Variants in ZNF280C observed in about 807,000 individuals in gnomAD.
The protein encoded by ZNF280C is suppressor of hairy wing homolog 3.
A neutral mutation model predicts 53.6 loss-of-function variants in ZNF280C; 14 were observed. The observed-to-expected ratio is 0.26, with a 90% CI of 0.17 to 0.41. The LOEUF (loss-of-function observed/expected upper bound fraction) is 0.41. Among genes scored for constraint, ZNF280C ranks in the 10% least tolerant of loss-of-function variants. ZNF280C has a pLI of 1.00. For missense variants in ZNF280C, 416 were observed against 547.1 expected (o/e 0.76, Z 2.39); for synonymous variants, 203 against 181.1 (o/e 1.12, Z -0.97).
intron 2 of ZNF280C, among the ~76,000 whole-genome samples, chrX:130,257,325 T>A (rs751728975): frequency 6.3e-5 from 7 of 110,586 alleles, no homozygotes; most frequent in Admixed American, 3.9e-4. Flanking sequence ...AGGAAATGTA[T>A]CCATCATAAT....
At chrX:130,254,568 T>G (rs1351320947) in intron 2 of ZNF280C, among the ~76,000 whole-genome samples, 1 of 111,967 alleles carries the variant, frequency 8.9e-6, no homozygotes, top group Non-Finnish European at 1.9e-5. Flanking sequence ...CATGGAGAAC[T>G]TTGCAGCCAT....
chrX:130,262,987 TA>T (rs1377463877), intron 1 of ZNF280C, among the ~76,000 whole-genome samples: 1 of 112,406 alleles, frequency 8.9e-6, no homozygotes, highest in Non-Finnish European at 1.9e-5. Context: ...TTTGCCACAA[TA>T]AAAAAACATT....
chrX:130,210,432 T>C (rs775877905), intron 15 of ZNF280C, among the ~76,000 whole-genome samples: 9 of 112,274 alleles, frequency 8.0e-5, no homozygotes, highest in Non-Finnish European at 1.1e-4. Flanking sequence ...ATGATAGAAA[T>C]TGTTATAATA....
intron 1 of ZNF280C, among the ~76,000 whole-genome samples, chrX:130,267,033 A>G (rs1214685765): frequency 9.2e-6 from 1 of 109,088 alleles, no homozygotes; most frequent in Non-Finnish European, 1.9e-5. Flanking sequence ...CCCGGGAGGC[A>G]GAGGTTGCAG....
At position 130,215,646 on chromosome X, in the gene ZNF280C, T is replaced by G. The variant is rs143756175; in HGVS notation, c.1838+145A>C. On this transcript the variant is annotated intron_variant, in intron 14 of 18. Transcript: ENST00000370978. The stretch of plus-strand genomic sequence containing the variant: ...CAATGACTCAAGTTCTGCTCAGCAG[T>G]TGTAAAAAGTACCTTTTTCTCATTT... 3.9e-3 allele frequency: 2,120 copies of G among 547,233 alleles called. 31 individuals are homozygous for G. The African/African-American group carries it at 0.043, about 11-fold the overall frequency. The allele number at this position is 547,233 out of a possible 1,213,427, so 45.1% of individuals were successfully genotyped here.
intron 13 of ZNF280C, among the ~76,000 whole-genome samples, chrX:130,216,765 G>A (rs1395932760): frequency 2.7e-5 from 3 of 111,633 alleles, no homozygotes; most frequent in Non-Finnish European, 5.7e-5. Context: ...TTGGGAGGCC[G>A]AGGTGGGCGG....
chrX:130,224,403 G>A (rs2032199696), intron 12 of ZNF280C, among the ~76,000 whole-genome samples: 3 of 111,860 alleles, frequency 2.7e-5, no homozygotes, highest in Admixed American at 1.9e-4. Context: ...GCATGTTATA[G>A]TAGCTCAAAC....
At chrX:130,258,401 G>A (rs1008724985) in intron 2 of ZNF280C, among the ~76,000 whole-genome samples, 3 of 111,604 alleles carry the variant, frequency 2.7e-5, no homozygotes, top group African/African-American at 9.8e-5. Flanking sequence ...TTTGAGGACA[G>A]TACACAAACA....
chrX:130,229,999 C>G (rs1184750701), intron 9 of ZNF280C, among the ~76,000 whole-genome samples: 1 of 112,051 alleles, frequency 8.9e-6, no homozygotes, highest in Non-Finnish European at 1.9e-5. Context: ...TGTCATCAAC[C>G]TACATAGCAA....
intron 3 of ZNF280C, 112 bp downstream of exon 3, chrX:130,246,747 T>C (rs2032454562): frequency 3.2e-6 from 3 of 924,672 alleles, no homozygotes; most frequent in Non-Finnish European, 4.5e-6. Flanking sequence ...CTCTCCCTCT[T>C]ACCTCTAACT....
intron 8 of ZNF280C, among the ~76,000 whole-genome samples, chrX:130,233,619 T>C (rs1472990640): frequency 1.2e-4 from 8 of 68,029 alleles, no homozygotes; most frequent in Admixed American, 6.4e-4. Context: ...TGAAACTCTG[T>C]CTCAAAAAAA....
intron 2 of ZNF280C, among the ~76,000 whole-genome samples, chrX:130,254,884 T>C (rs189655348): frequency 2.8e-4 from 30 of 108,435 alleles, no homozygotes; most frequent in Non-Finnish European, 5.8e-4. Flanking sequence ...ATAACAAACC[T>C]GCACATGTAT....
chrX:130,226,692 T>A (rs949764114), intron 12 of ZNF280C, 67 bp downstream of exon 12: 1 of 1,068,643 alleles, frequency 9.4e-7, no homozygotes, highest in African/African-American at 1.9e-5. Flanking sequence ...TAGCTATAGA[T>A]CTATACATAT....
At position 130,239,571 on chromosome X, in the gene ZNF280C, C is replaced by T. The variant is rs753194913; in HGVS notation, c.493+11G>A. ...TTTTTATAATTTTTATGAAAGAGTG[C>T]TAAACCAAACCTTCTCTAAAAATTG... On this transcript the variant is annotated intron_variant, in intron 6 of 18. Coordinates refer to ENST00000370978, the MANE Select transcript of ZNF280C (RefSeq NM_017666.5). 4 of 1,079,256 alleles carry T rather than the reference C, an allele frequency of 3.7e-6. No homozygotes were observed. The highest frequency in any genetic ancestry group is 4.0e-5 in the South Asian group (2 of 49,779). 88.9% of individuals were successfully genotyped at this position (1,079,256 alleles called of 1,213,427 possible). A position where few individuals can be genotyped will look rare whatever the true frequency, so the allele number is the denominator to read the frequency against.
intron 13 of ZNF280C, 64 bp downstream of exon 13, chrX:130,220,285 A>G: frequency 9.7e-7 from 1 of 1,029,646 alleles, no homozygotes; most frequent in Non-Finnish European, 1.3e-6. Context: ...CATAATAAAA[A>G]AAAAAACATA....
intron 15 of ZNF280C, among the ~76,000 whole-genome samples, chrX:130,212,798 G>A (rs2032053804): frequency 9.0e-6 from 1 of 111,309 alleles, no homozygotes; most frequent in Non-Finnish European, 1.9e-5. Context: ...AATGAATGTG[G>A]TAGAGAGAAA....
At chrX:130,266,972 G>A (rs2032695703) in intron 1 of ZNF280C, among the ~76,000 whole-genome samples, 1 of 110,858 alleles carries the variant, frequency 9.0e-6, no homozygotes, top group Non-Finnish European at 1.9e-5. Context: ...GTGGTGGCAA[G>A]GGCCTGTAAC....
rs779103852 is a variant in ZNF280C at position 130,243,865 on chromosome X, T to G, written c.179A>C (p.Asn60Thr). 4 of 1,095,066 alleles carry G rather than the reference T, an allele frequency of 3.7e-6. No homozygotes were observed. Among genetic ancestry groups the G allele is most frequent in the Middle Eastern group, 3.6e-4 (1 of 2,800 alleles). 90.2% of individuals were successfully genotyped at this position (1,095,066 alleles called of 1,213,427 possible). Reference protein sequence around the residue: ...EISSSKPAISNILNRGHSSSS... With the variant: ...EISSSKPAISTILNRGHSSSS... Reference sequence around the variant, plus strand: ...GCTGGAGTGGCCTCTGTTCAAAATATCTATAAAATTATATTTATTTTAAAA... The same window carrying G: ...GCTGGAGTGGCCTCTGTTCAAAATAGCTATAAAATTATATTTATTTTAAAA... The change falls in exon 4 of 19, where the codon AAT becomes ACT. Residue 60 changes from asparagine to threonine, a missense_variant and splice_region_variant. Physicochemically the swap from Asn to Thr is moderately conservative, Grantham distance 65. Transcript: ENST00000370978.
At chrX:130,209,629 GA>G (rs762531839) in intron 16 of ZNF280C, 23 bp downstream of exon 16, 582 of 1,051,058 alleles carry the variant, frequency 5.5e-4, no homozygotes, top group African/African-American at 2.4e-3. Context: ...TCAATTGAAA[GA>G]AAAAAAAAAG....
Sources: gnomAD v4.1 joint callset for allele counts (sites outside exome capture counted in the v4.1 genomes callset) on GRCh38, gnomAD v4.1.1 for gene constraint, MANE v1.5 for transcripts, NCBI Gene and HGNC (gene_info 2026-07-23, HGNC 2026-07-21) for gene names.